The following NAA40 variants were observed in gnomAD, a reference collection of about 807,000 sequenced individuals.
The protein encoded by NAA40 is N-alpha-acetyltransferase 40.
Under a neutral mutation model 36.6 loss-of-function variants are expected in NAA40, and 26 were observed. The ratio of observed to expected loss-of-function variants is 0.71; its 90% CI spans 0.52 to 0.98. NAA40 has a LOEUF of 0.98. Ranked by LOEUF, NAA40 falls within the 50% of genes least tolerant of loss-of-function variation. The probability of loss-of-function intolerance (pLI) is 0.00; values close to 1 mark genes in which losing one functional copy is unlikely to be tolerated. For missense variants in NAA40, 237 were observed against 306.5 expected, an observed-to-expected ratio of 0.77 and a Z score of 1.69; for synonymous variants, 129 against 108.4, an observed-to-expected ratio of 1.19 and a Z score of -1.18.
intron 1 of NAA40, among the ~76,000 whole-genome samples, chr11:63,944,777 C>T (rs7951529): frequency 0.52 from 78,531 of 151,746 alleles, 21,853 homozygotes; most frequent in East Asian, 0.87. Flanking sequence ...GTGGTGCGCT[C>T]CTGTAATCCC....
At chr11:63,952,101 G>A (rs796733016) in intron 3 of NAA40, 137 bp from the exon 4 acceptor site, 13 of 643,752 alleles carry the variant, frequency 2.0e-5, no homozygotes, top group African/African-American at 1.6e-4. Flanking sequence ...TAGTCATGCT[G>A]GGGCAGATAC....
At chr11:63,945,983 G>C in intron 2 of NAA40, 48 bp downstream of exon 2, 1 of 1,553,944 alleles carries the variant, frequency 6.4e-7, no homozygotes, top group South Asian at 1.1e-5. Flanking sequence ...ACTTCAGCTT[G>C]GTTTATAATT....
At position 63,957,212 on chromosome 11, in the gene NAA40, A is replaced by ATATTTTT. The variant is rs1278673521; in HGVS notation, c.*2734_*2735insATTTTTT. ...CCTTGATATATATATATATATATAT[A>ATATTTTT]TTTTTTTTTTTCTTTAGCAGCTTGT... On this transcript the variant is annotated 3_prime_UTR_variant, in exon 8 of 8. Transcript: ENST00000377793. 1.6e-5 allele frequency: 1 copy of ATATTTTT among 64,318 alleles called. No individual in the cohort carries two copies. Among genetic ancestry groups the ATATTTTT allele is most frequent in the Middle Eastern group, 7.4e-3 (1 of 136 alleles). 4.0% of individuals were successfully genotyped at this position (64,318 alleles called of 1,614,324 possible).
chr11:63,952,283 A>C lies in NAA40; in HGVS notation c.201A>C (p.Pro67=), dbSNP rs760675451. The change falls in exon 4 of 8, where the codon CCA becomes CCC. Residue 67 remains proline (P), a synonymous_variant. Coordinates refer to ENST00000377793, the MANE Select transcript of NAA40 (RefSeq NM_024771.4). ...IECKRVSGLE[P]ATVDWAFDLT... is the part of the protein sequence containing the mutation. ...GTAAGCGAGTGTCTGGACTGGAGCC[A>C]GCCACCGTGGATTGGGCCTTCGACC... is the stretch of plus-strand genomic sequence containing the variant. 6.2e-7 allele frequency: 1 copy of C among 1,613,834 alleles called. No individual in the cohort carries two copies. The highest frequency in any genetic ancestry group is 2.2e-5 in the East Asian group (1 of 44,888).
intron 1 of NAA40, among the ~76,000 whole-genome samples, chr11:63,945,153 G>A (rs2134269981): frequency 6.6e-6 from 1 of 152,326 alleles, no homozygotes; most frequent in Non-Finnish European, 1.5e-5. Context: ...CTGACTGTGT[G>A]CCTGCAGCTT....
At chr11:63,939,753 G>C (rs1408388416) in intron 1 of NAA40, among the ~76,000 whole-genome samples, 1 of 152,254 alleles carries the variant, frequency 6.6e-6, no homozygotes, top group Middle Eastern at 3.4e-3. Flanking sequence ...ACGACCGCTT[G>C]GGTTGTTAGG....
intron 2 of NAA40, chr11:63,946,543 T>C (rs892904376): frequency 1.7e-6 from 2 of 1,165,054 alleles, no homozygotes; most frequent in South Asian, 1.8e-5. Context: ...GGTCATTCTT[T>C]TAACCCACTC....
chr11:63,946,895 G>A lies in NAA40; in HGVS notation c.103-56G>A, dbSNP rs1942196057. On this transcript the variant is annotated intron_variant, in intron 2 of 7. Coordinates refer to ENST00000377793, the MANE Select transcript of NAA40 (RefSeq NM_024771.4). ...TCCAAGACAACAGCTCTTGGGATAGGATCTGCACCTCCGCCCCACTTGTCT... is the reference window on the plus strand; with the variant it reads ...TCCAAGACAACAGCTCTTGGGATAGAATCTGCACCTCCGCCCCACTTGTCT... 3.1e-6 allele frequency: 5 copies of A among 1,610,922 alleles called. No homozygotes were observed. The South Asian group carries it at 4.4e-5, about 14-fold the overall frequency.
chr11:63,953,153 A>G (rs527434945), intron 6 of NAA40, among the ~76,000 whole-genome samples: 4 of 149,658 alleles, frequency 2.7e-5, no homozygotes, highest in South Asian at 2.1e-4. Flanking sequence ...GGTTTAAGCA[A>G]TTCTTCTGCT....
chr11:63,951,145 C>A (rs1041664710), intron 3 of NAA40, among the ~76,000 whole-genome samples: 1 of 152,168 alleles, frequency 6.6e-6, no homozygotes, highest in Non-Finnish European at 1.5e-5. Context: ...GGTATTGATA[C>A]GGGAGCTCTT....
intron 7 of NAA40, 24 bp downstream of exon 7, chr11:63,954,073 T>C (rs747331484): frequency 1.2e-6 from 2 of 1,611,836 alleles, no homozygotes; most frequent in Non-Finnish European, 1.7e-6. Context: ...TGTGGGCCCT[T>C]CTGGGTGGTA....
At chr11:63,945,578 T>C (rs933002278) in intron 1 of NAA40, among the ~76,000 whole-genome samples, 1 of 152,162 alleles carries the variant, frequency 6.6e-6, no homozygotes, top group African/African-American at 2.4e-5. Flanking sequence ...GCTGTTTCGC[T>C]GGGTCCCCAC....
At chr11:63,949,505 C>T (rs937869176) in intron 3 of NAA40, among the ~76,000 whole-genome samples, 1 of 152,012 alleles carries the variant, frequency 6.6e-6, no homozygotes, top group Non-Finnish European at 1.5e-5. Flanking sequence ...TGAAGGCCCC[C>T]TCACGTTTTT....
chr11:63,947,243 C>G (rs1306935098), intron 3 of NAA40, among the ~76,000 whole-genome samples: 1 of 152,040 alleles, frequency 6.6e-6, no homozygotes, highest in African/African-American at 2.4e-5. Context: ...CCCATTTCTA[C>G]TAAAAATACA....
Position 63,952,280 on chromosome 11 carries a change from G to A in NAA40, c.198G>A (p.Glu66=). 1.9e-6 allele frequency: 3 copies of A among 1,613,778 alleles called. No individual in the cohort carries two copies. The highest frequency in any genetic ancestry group is 2.2e-5 in the East Asian group (1 of 44,884). The change falls in exon 4 of 8, where the codon GAG becomes GAA. Residue 66 remains glutamate (E), a synonymous_variant. Transcript: ENST00000377793. ...SIECKRVSGL[E]PATVDWAFDL... ...AATGTAAGCGAGTGTCTGGACTGGA[G>A]CCAGCCACCGTGGATTGGGCCTTCG...
At chr11:63,945,990 A>T in intron 2 of NAA40, 55 bp downstream of exon 2, 1 of 1,523,768 alleles carries the variant, frequency 6.6e-7, no homozygotes. Flanking sequence ...CTTGGTTTAT[A>T]ATTTGACTTA....
intron 2 of NAA40, chr11:63,946,715 G>A: frequency 6.6e-7 from 1 of 1,516,714 alleles, no homozygotes; most frequent in African/African-American, 1.4e-5. Flanking sequence ...GTCTCCTCTT[G>A]CCCTGTCAGG....
At chr11:63,947,914 G>T (rs1942214696) in intron 3 of NAA40, among the ~76,000 whole-genome samples, 1 of 152,070 alleles carries the variant, frequency 6.6e-6, no homozygotes, top group Non-Finnish European at 1.5e-5. Flanking sequence ...TAGAGTCAGG[G>T]TTTCACCATC....
At chr11:63,940,040 CTTTTTTTTTTTTTT>C (rs10618202) in intron 1 of NAA40, among the ~76,000 whole-genome samples, 9 of 77,756 alleles carry the variant, frequency 1.2e-4, no homozygotes, top group Admixed American at 1.8e-4. Context: ...TGGCTGTATT[CTTTTTTTTTTTTTT>C]TTTTTTTTTT....
Sources: gnomAD v4.1 joint callset for allele counts (sites outside exome capture counted in the v4.1 genomes callset) on GRCh38, gnomAD v4.1.1 for gene constraint, MANE v1.5 for transcripts, NCBI Gene and HGNC (gene_info 2026-07-23, HGNC 2026-07-21) for gene names.